Variants in SLC18B1 observed in about 807,000 individuals in gnomAD.
The protein encoded by SLC18B1 is MFS-type transporter SLC18B1.
SLC18B1 carries 62 observed loss-of-function variants against 53.9 expected under a neutral mutation model. The ratio of observed to expected loss-of-function variants is 1.15; its 90% CI spans 0.94 to 1.42. The LOEUF (loss-of-function observed/expected upper bound fraction) is 1.42, where lower values mean the gene tolerates loss of function less well. Among genes scored for constraint, SLC18B1 ranks in the 40% most tolerant of loss-of-function variants. The pLI is 0.00. For synonymous variants in SLC18B1, 217 were observed against 200.9 expected, an observed-to-expected ratio of 1.08 and a Z score of -0.68; for missense variants, 598 against 547.3, an observed-to-expected ratio of 1.09 and a Z score of -0.93.
chr6:132,780,741 T>C (rs988550706), intron 6 of SLC18B1, among the ~76,000 whole-genome samples: 4 of 152,076 alleles, frequency 2.6e-5, no homozygotes, highest in African/African-American at 9.7e-5. Flanking sequence ...TTTGTATTTT[T>C]AGTAGAGACG....
intron 2 of SLC18B1, among the ~76,000 whole-genome samples, chr6:132,791,666 AT>A (rs1391792691): frequency 2.0e-5 from 3 of 152,124 alleles, no homozygotes; most frequent in Non-Finnish European, 4.4e-5. Flanking sequence ...GGCAGAGAGG[AT>A]GGGCCCACAG....
rs959692979 is a variant in SLC18B1, at chr6:132,797,016, C to T, written c.149G>A (p.Cys50Tyr). ...AASVNLGSMM[C>Y]YSILGPFFPK... ...GAAAAACGGTCCAAGTATAGAATAGCACATCATGGAACCTAAGTTCACCGA... is the reference window on the plus strand; with the variant it reads ...GAAAAACGGTCCAAGTATAGAATAGTACATCATGGAACCTAAGTTCACCGA... The change falls in exon 2 of 14, where the codon TGC (cysteine) becomes TAC (tyrosine). Residue 50 changes from cysteine (C) to tyrosine (Y), a missense_variant. Cys to Tyr is a radical substitution (Grantham distance 194). Transcript: ENST00000275227. 5 of 1,613,946 alleles carry T rather than the reference C, an allele frequency of 3.1e-6. No homozygotes were observed. In the African/African-American group the frequency reaches 4.0e-5, roughly 13 times the overall value.
chr6:132,777,686 C>A (rs912756648), intron 7 of SLC18B1, among the ~76,000 whole-genome samples: 3 of 152,202 alleles, frequency 2.0e-5, no homozygotes, highest in African/African-American at 4.8e-5. Flanking sequence ...TGCACTCCAG[C>A]CTGGGCAACA....
intron 1 of SLC18B1, among the ~76,000 whole-genome samples, chr6:132,797,563 A>C (rs911258449): frequency 6.6e-6 from 1 of 152,198 alleles, no homozygotes; most frequent in Non-Finnish European, 1.5e-5. Context: ...GCACCACTGC[A>C]CTCCAGCCTG....
chr6:132,783,985 T>C lies in SLC18B1; in HGVS notation c.606A>G (p.Gly202=). The change falls in exon 6 of 14, where the codon GGA becomes GGG. Residue 202 remains glycine (G), a synonymous_variant. Coordinates refer to ENST00000275227, the MANE Select transcript of SLC18B1 (RefSeq NM_052831.3). ...FGYEVPFIVL[G]CVVLLMVPLN... ...GTGGTACCATCAGCAAAACGACGCA[T>C]CCCAGAACAATAAAAGGCACTTCAT... is the stretch of plus-strand genomic sequence containing the variant. 6.2e-7 allele frequency: 1 copy of C among 1,610,124 alleles called. No homozygotes were observed. The highest frequency in any genetic ancestry group is 8.5e-7 in the Non-Finnish European group (1 of 1,178,440).
rs375165816 is a variant in SLC18B1, at chr6:132,781,910, AGG to A, written c.658+2021_658+2022del. 5.9e-3 allele frequency among the ~76,000 whole-genome samples: 897 copies of A among 152,224 alleles called. 11 individuals carry two copies. Among genetic ancestry groups the A allele is most frequent in the African/African-American group, 0.021 (865 of 41,536 alleles). On this transcript the variant is annotated intron_variant, in intron 6 of 13. Coordinates refer to ENST00000275227, the MANE Select transcript of SLC18B1 (RefSeq NM_052831.3). Reference sequence around the variant, plus strand: ...CTCTACTTAAATCTAACAATAGGCCAGGTGCAGTGGCTCACACCTGTAATCGC... The same window carrying A: ...CTCTACTTAAATCTAACAATAGGCCATGCAGTGGCTCACACCTGTAATCGC...
At chr6:132,777,581 G>T (rs1781130650) in intron 7 of SLC18B1, among the ~76,000 whole-genome samples, 1 of 152,094 alleles carries the variant, frequency 6.6e-6, no homozygotes, top group Non-Finnish European at 1.5e-5. Flanking sequence ...TGGCCTGGTG[G>T]CACACACCTG....
chr6:132,778,649 T>C (rs1264693252), intron 7 of SLC18B1, among the ~76,000 whole-genome samples: 2 of 152,176 alleles, frequency 1.3e-5, no homozygotes, highest in East Asian at 1.9e-4. Context: ...TCAACACATA[T>C]TAATTCTCCA....
At chr6:132,792,283 G>A (rs1239546606) in intron 2 of SLC18B1, among the ~76,000 whole-genome samples, 1 of 49,014 alleles carries the variant, frequency 2.0e-5, no homozygotes, top group African/African-American at 1.3e-4. Flanking sequence ...AAGAAAGAAA[G>A]GAAGAAAGGA....
chr6:132,779,370 C>G lies in SLC18B1; in HGVS notation c.693G>C (p.Leu231=), dbSNP rs1781173920. The G allele has an allele frequency of 6.2e-7, 1 of 1,612,762 alleles. No individual in the cohort carries two copies. ...TAAGGCCAACTTTGGGTAAAGCGAT[C>G]AGTTTCCAGAATGAGTGTTCACCTG... ...SDPGEHSFWK[L]IALPKVGLIA... is the part of the protein sequence containing the mutation. Residue 231 remains leucine (L), a synonymous_variant, in exon 7 of 14, where the codon CTG becomes CTC. Coordinates refer to ENST00000275227, the MANE Select transcript of SLC18B1 (RefSeq NM_052831.3).
At chr6:132,794,783 T>G (rs1344292379) in intron 2 of SLC18B1, among the ~76,000 whole-genome samples, 1 of 152,134 alleles carries the variant, frequency 6.6e-6, no homozygotes, top group Non-Finnish European at 1.5e-5. Flanking sequence ...GTGGACGGAT[T>G]GCTTGAGCTC....
intron 2 of SLC18B1, among the ~76,000 whole-genome samples, chr6:132,794,106 A>AATT (rs1554223587): frequency 2.7e-4 from 37 of 135,494 alleles, no homozygotes; most frequent in African/African-American, 9.8e-4. Context: ...TTTTTTTTTT[A>AATT]ATTTTTTTTT....
chr6:132,770,342 T>A lies in SLC18B1; in HGVS notation c.1305-6A>T. 6.2e-7 allele frequency: 1 copy of A among 1,609,970 alleles called. No individual in the cohort carries two copies. Among genetic ancestry groups the A allele is most frequent in the South Asian group, 1.1e-5 (1 of 90,974 alleles). ...GGATGTTTTGAGATTTAGACCTACATTGAGGGAAAGAAGAGATGAATCTCA... is the reference window on the plus strand; with the variant it reads ...GGATGTTTTGAGATTTAGACCTACAATGAGGGAAAGAAGAGATGAATCTCA... On this transcript the variant is annotated splice_polypyrimidine_tract_variant and splice_region_variant and intron_variant, in intron 13 of 13. Transcript: ENST00000275227.
chr6:132,795,884 G>A (rs1781662134), intron 2 of SLC18B1, among the ~76,000 whole-genome samples: 1 of 152,232 alleles, frequency 6.6e-6, no homozygotes, highest in Non-Finnish European at 1.5e-5. Flanking sequence ...TGGCGCTAGA[G>A]TCCATAAGAA....
intron 8 of SLC18B1, among the ~76,000 whole-genome samples, chr6:132,775,342 T>C (rs180931147): frequency 6.6e-6 from 1 of 152,348 alleles, no homozygotes; most frequent in Non-Finnish European, 1.5e-5. Flanking sequence ...TGTTATAGTA[T>C]CCTGAATGGA....
At chr6:132,792,380 A>T (rs12195472) in intron 2 of SLC18B1, among the ~76,000 whole-genome samples, 1 of 148,260 alleles carries the variant, frequency 6.7e-6, no homozygotes, top group Non-Finnish European at 1.5e-5. Flanking sequence ...GAAGGAAAGA[A>T]AGAGAAAGAA....
At chr6:132,797,449 A>T (rs888392050) in intron 1 of SLC18B1, among the ~76,000 whole-genome samples, 1 of 152,122 alleles carries the variant, frequency 6.6e-6, no homozygotes, top group Non-Finnish European at 1.5e-5. Flanking sequence ...AATACAAAAA[A>T]TTAGCCGGGC....
intron 5 of SLC18B1, among the ~76,000 whole-genome samples, chr6:132,785,913 A>AAAAG (rs1781358457): frequency 2.0e-5 from 3 of 150,906 alleles, no homozygotes; most frequent in Admixed American, 6.6e-5. Context: ...AAAAAAAAAA[A>AAAAG]AAAGAAAGAA....
chr6:132,789,820 T>A lies in SLC18B1; in HGVS notation c.297A>T (p.Ala99=), dbSNP rs751943918. 26 of 1,612,758 alleles carry A rather than the reference T, an allele frequency of 1.6e-5. No homozygotes were observed. Among genetic ancestry groups the A allele is most frequent in the Middle Eastern group, 1.7e-4 (1 of 6,060 alleles). Residue 99 remains alanine, a synonymous_variant, in exon 4 of 14, where the codon GCA becomes GCT. Transcript: ENST00000275227. ...ACATTCCTGCTACAAACATAAATTT[T>A]GCTCCAATATGTACAAGCTATAATA... ...VFGNYLVHIG[A]KFMFVAGMFV...
Sources: allele counts gnomAD v4.1 joint callset (sites outside exome capture counted in the v4.1 genomes callset), GRCh38; gene constraint gnomAD v4.1.1; transcripts MANE v1.5; gene names NCBI Gene and HGNC (gene_info 2026-07-23, HGNC 2026-07-21).